RGPD2: variants seen among roughly 807,000 people sequenced by gnomAD.
The protein encoded by RGPD2 is RANBP2-like and GRIP domain-containing protein 2.
Under a neutral mutation model 36.0 loss-of-function variants are expected in RGPD2, and 2 were observed. That is an observed-to-expected ratio of 0.06 (90% CI 0.02 to 0.17). The LOEUF is 0.17. Ranked by LOEUF, RGPD2 falls within the 10% of genes least tolerant of loss-of-function variation. The pLI is 1.00. For synonymous variants in RGPD2, 19 were observed against 163.8 expected (o/e 0.12, Z 6.75); for missense variants, 40 against 464.3 (o/e 0.09, Z 8.40).
chr2:87,922,912 T>C, the RGPD2 span, among the ~76,000 whole-genome samples: 1 of 152,158 alleles, frequency 6.6e-6, no homozygotes, highest in Non-Finnish European at 1.5e-5. Context: ...AAATCAATAA[T>C]GTATGCTGTT....
At chr2:87,974,534 C>G in the RGPD2 span, among the ~76,000 whole-genome samples, 1 of 152,190 alleles carries the variant, frequency 6.6e-6, no homozygotes, top group Non-Finnish European at 1.5e-5. Context: ...CTTCTGTGCT[C>G]TTCTCCATAC....
chr2:87,988,544 T>TTATATA, the RGPD2 span, among the ~76,000 whole-genome samples: 1 of 77,500 alleles, frequency 1.3e-5, no homozygotes, highest in Non-Finnish European at 3.0e-5. Flanking sequence ...TATATATATT[T>TTATATA]TTTTTTTTTC....
chr2:87,883,701 CTG>C, the RGPD2 span, among the ~76,000 whole-genome samples: 1 of 152,044 alleles, frequency 6.6e-6, no homozygotes, highest in South Asian at 2.1e-4. Flanking sequence ...AGGTCAAAAA[CTG>C]TAAAAAGGGA....
At chr2:87,881,380 T>C in the RGPD2 span, among the ~76,000 whole-genome samples, 2 of 152,290 alleles carry the variant, frequency 1.3e-5, no homozygotes, top group Non-Finnish European at 2.9e-5. Context: ...CTCTGTCAGA[T>C]GTTCTCTGTG....
At chr2:87,881,431 G>C in the RGPD2 span, among the ~76,000 whole-genome samples, 1 of 152,148 alleles carries the variant, frequency 6.6e-6, no homozygotes, top group Non-Finnish European at 1.5e-5. Flanking sequence ...TGGGGACCCA[G>C]GCTTTCTCAA....
the RGPD2 span, among the ~76,000 whole-genome samples, chr2:87,988,541 A>ATATATATATATATATATTT: frequency 3.5e-4 from 19 of 54,144 alleles, no homozygotes; most frequent in East Asian, 6.1e-3. Flanking sequence ...ATATATATAT[A>ATATATATATATATATATTT]TTTTTTTTTT....
intron 17 of RGPD2, 105 bp downstream of exon 17, chr2:87,791,885 G>T: frequency 1.6e-5 from 2 of 121,788 alleles, no homozygotes; most frequent in Non-Finnish European, 2.3e-5. Flanking sequence ...CATACTATTT[G>T]GATGGCAAGG....
chr2:87,986,986 C>A, the RGPD2 span, among the ~76,000 whole-genome samples: 1 of 132,884 alleles, frequency 7.5e-6, no homozygotes, highest in Non-Finnish European at 1.6e-5. Context: ...TATATGCATC[C>A]ACGAATAGCA....
chr2:87,984,968 C>T, the RGPD2 span, among the ~76,000 whole-genome samples: 1 of 143,036 alleles, frequency 7.0e-6, no homozygotes, highest in Non-Finnish European at 1.5e-5. Flanking sequence ...GTGTGCAAGG[C>T]TAAAACATAT....
chr2:87,840,019 G>A, the RGPD2 span, among the ~76,000 whole-genome samples: 23 of 149,170 alleles, frequency 1.5e-4, no homozygotes, highest in Non-Finnish European at 2.8e-4. Context: ...CATCCATATG[G>A]TGTGTACTGA....
At chr2:87,866,585 G>A in the RGPD2 span, among the ~76,000 whole-genome samples, 1 of 152,250 alleles carries the variant, frequency 6.6e-6, no homozygotes, top group African/African-American at 2.4e-5. Context: ...GTTCATAGAG[G>A]TGCGATCCCC....
chr2:87,897,676 C>G, the RGPD2 span, among the ~76,000 whole-genome samples: 8 of 151,728 alleles, frequency 5.3e-5, no homozygotes, highest in South Asian at 1.7e-3. Context: ...CTCCCTGTGC[C>G]CATGTGTTCT....
chr2:87,847,578 A>C, the RGPD2 span, among the ~76,000 whole-genome samples: 4 of 149,602 alleles, frequency 2.7e-5, no homozygotes, highest in Non-Finnish European at 4.4e-5. Context: ...GACTCACTGT[A>C]ACCTCCGCGT....
rs769605919 is a variant in RGPD2, at chr2:87,782,872, T to G, written c.4152A>C (p.Gln1384His). The change falls in exon 20 of 23, where the codon CAA becomes CAC. Residue 1384 changes from glutamine to histidine, a missense_variant. By Grantham distance (24) the Gln-to-His change is conservative (BLOSUM62 0). Coordinates refer to ENST00000398146, the MANE Select transcript of RGPD2 (RefSeq NM_001078170.3). The part of the protein sequence containing the change: ...IKILQNYDNK[Q>H]VRIVMRRDQV... ...GGTCCCTTCTCATCACTATACGAACTTGCTTATTATCATAATTCTGTAAAA... is the reference window on the plus strand; with the variant it reads ...GGTCCCTTCTCATCACTATACGAACGTGCTTATTATCATAATTCTGTAAAA... 11 of 1,593,698 alleles carry G rather than the reference T, an allele frequency of 6.9e-6. No homozygotes were observed. The highest frequency in any genetic ancestry group is 7.7e-6 in the Non-Finnish European group (9 of 1,172,212).
the RGPD2 span, among the ~76,000 whole-genome samples, chr2:87,970,217 C>T: frequency 2.0e-5 from 3 of 152,018 alleles, no homozygotes; most frequent in Non-Finnish European, 4.4e-5. Context: ...GTTAACTCTA[C>T]CACTTCGGAA....
chr2:87,784,740 CAATT>C (rs1357146148), intron 19 of RGPD2, among the ~76,000 whole-genome samples: 17 of 99,116 alleles, frequency 1.7e-4, no homozygotes, highest in South Asian at 4.1e-4. Flanking sequence ...AGTCTTCAAT[CAATT>C]GTTATATATA....
intron 22 of RGPD2, among the ~76,000 whole-genome samples, chr2:87,769,254 AC>A (rs1467538994): frequency 2.0e-5 from 3 of 149,862 alleles, no homozygotes; most frequent in South Asian, 2.1e-4. Context: ...GGTGTGAGCC[AC>A]CGTGCCAGGC....
the RGPD2 span, among the ~76,000 whole-genome samples, chr2:87,932,792 G>A: frequency 6.6e-6 from 1 of 151,878 alleles, no homozygotes; most frequent in Non-Finnish European, 1.5e-5. Flanking sequence ...ATTCCTTCTG[G>A]TTTATAGAGC....
chr2:87,806,006 A>G (rs1263875851), intron 7 of RGPD2, among the ~76,000 whole-genome samples: 1 of 150,432 alleles, frequency 6.6e-6, no homozygotes, highest in African/African-American at 2.4e-5. Flanking sequence ...TATTAAAAAT[A>G]CAAAAAATTA....
Sources: allele counts gnomAD v4.1 joint callset (sites outside exome capture counted in the v4.1 genomes callset), GRCh38; gene constraint gnomAD v4.1.1; transcripts MANE v1.5; gene names NCBI Gene and HGNC (gene_info 2026-07-23, HGNC 2026-07-21).